RNF32: variants seen among roughly 807,000 people sequenced by gnomAD.
The protein encoded by RNF32 is ring finger protein 32.
Under a neutral mutation model 41.0 loss-of-function variants are expected in RNF32, and 36 were observed. That is an observed-to-expected ratio of 0.88 (90% CI 0.67 to 1.16). The LOEUF (loss-of-function observed/expected upper bound fraction) is 1.16. Ranked by LOEUF, RNF32 falls within the 50% of genes most tolerant of loss-of-function variation. The pLI is 0.00. For missense variants in RNF32, 413 were observed against 436.7 expected (o/e 0.95, Z 0.48); for synonymous variants, 154 against 160.9 (o/e 0.96, Z 0.32).
At chr7:156,654,843 C>T in intron 4 of RNF32, 125 bp downstream of exon 4, 1 of 824,716 alleles carries the variant, frequency 1.2e-6, no homozygotes, top group South Asian at 2.0e-5. Context: ...GAGCCTCACA[C>T]ACTTCCATTT....
intron 7 of RNF32, chr7:156,659,170 G>A (rs112788820): frequency 2.5e-6 from 3 of 1,201,886 alleles, no homozygotes; most frequent in Non-Finnish European, 3.1e-6. Flanking sequence ...TGTGGCTTCA[G>A]GCAAACAGCA....
At chr7:156,648,465 C>T (rs1305273277) in intron 3 of RNF32, among the ~76,000 whole-genome samples, 3 of 151,918 alleles carry the variant, frequency 2.0e-5, no homozygotes, top group Non-Finnish European at 4.4e-5. Context: ...ATGTAGATGA[C>T]CAAATAGTTT....
intron 3 of RNF32, chr7:156,646,657 C>T (rs148447952): frequency 4.7e-5 from 20 of 421,922 alleles, no homozygotes; most frequent in African/African-American, 1.9e-4. Flanking sequence ...TCAATGAGAA[C>T]GGAATCCTTC....
intron 8 of RNF32, 84 bp from the exon 9 acceptor site, chr7:156,676,335 C>A (rs768108230): frequency 6.2e-7 from 1 of 1,613,210 alleles, no homozygotes; most frequent in Non-Finnish European, 8.5e-7. Context: ...TGTCTCGGGG[C>A]ACATGGTTCG....
At chr7:156,671,539 T>C (rs1230845702) in intron 7 of RNF32, among the ~76,000 whole-genome samples, 1 of 152,210 alleles carries the variant, frequency 6.6e-6, no homozygotes, top group Non-Finnish European at 1.5e-5. Context: ...ACCATACGCT[T>C]GTCCATGATG....
At chr7:156,654,450 G>A (rs1233636861) in intron 3 of RNF32, 126 bp from the exon 4 acceptor site, 4 of 764,860 alleles carry the variant, frequency 5.2e-6, no homozygotes, top group African/African-American at 1.8e-5. Context: ...CTTCTATTGT[G>A]AAATAAAGTA....
chr7:156,656,807 C>T (rs1281786089), intron 4 of RNF32, among the ~76,000 whole-genome samples: 14 of 152,252 alleles, frequency 9.2e-5, no homozygotes, highest in Admixed American at 8.5e-4. Flanking sequence ...TGCTTTCCTC[C>T]CCGTTGCTGA....
chr7:156,648,160 A>T (rs1563070740), intron 3 of RNF32, among the ~76,000 whole-genome samples: 1 of 152,158 alleles, frequency 6.6e-6, no homozygotes, highest in Non-Finnish European at 1.5e-5. Context: ...AAAAGTTAGA[A>T]ATATGATTTT....
chr7:156,655,197 T>C (rs982434931), intron 4 of RNF32, among the ~76,000 whole-genome samples: 4 of 151,454 alleles, frequency 2.6e-5, no homozygotes, highest in African/African-American at 9.7e-5. Context: ...ATAGTAAGAC[T>C]GATGATACTA....
intron 3 of RNF32, among the ~76,000 whole-genome samples, chr7:156,652,855 A>G (rs984476637): frequency 6.6e-6 from 1 of 152,224 alleles, no homozygotes; most frequent in African/African-American, 2.4e-5. Context: ...CAGGAGACAC[A>G]GCCTGCAGTG....
intron 7 of RNF32, among the ~76,000 whole-genome samples, chr7:156,671,249 A>C (rs1211921708): frequency 1.3e-5 from 2 of 152,224 alleles, no homozygotes; most frequent in African/African-American, 4.8e-5. Context: ...GTCAGTAACA[A>C]CACAAAGCGG....
intron 7 of RNF32, among the ~76,000 whole-genome samples, chr7:156,674,034 C>G (rs183111258): frequency 6.6e-6 from 1 of 152,170 alleles, no homozygotes; most frequent in African/African-American, 2.4e-5. Flanking sequence ...GAGATCTCCA[C>G]GGGACTTGTT....
intron 7 of RNF32, among the ~76,000 whole-genome samples, chr7:156,666,171 ATATG>A (rs1423843769): frequency 2.6e-5 from 4 of 152,192 alleles, no homozygotes; most frequent in African/African-American, 9.6e-5. Context: ...TGTTTCCCTC[ATATG>A]TTTTAGGATC....
chr7:156,661,074 G>A (rs532027994), intron 7 of RNF32, among the ~76,000 whole-genome samples: 236 of 152,306 alleles, frequency 1.5e-3, no homozygotes, highest in African/African-American at 5.2e-3. Flanking sequence ...GATGGCCTGC[G>A]GCATGACTGT....
rs772369478 is a variant in RNF32 at position 156,658,258 on chromosome 7, G to A, written c.575+6G>A. ...AGAATCAAGTGTGTGACCAGGTGAG[G>A]ACGCCAGGCCCGTTTGGCGCTAAGC... is the stretch of plus-strand genomic sequence containing the variant. On this transcript the variant is annotated splice_donor_region_variant and intron_variant, in intron 6 of 8. Coordinates refer to ENST00000317955, the MANE Select transcript of RNF32 (RefSeq NM_030936.4). 1.4e-5 allele frequency: 22 copies of A among 1,613,512 alleles called. No individual in the cohort carries two copies. The Admixed American group carries it at 2.8e-4, about 21-fold the overall frequency.
rs1417870629 is a variant in RNF32, at chr7:156,640,817, G to C, written c.-78+6G>C. 1 of 224,074 alleles carries C rather than the reference G, an allele frequency of 4.5e-6. No homozygotes were observed. Among genetic ancestry groups the C allele is most frequent in the Non-Finnish European group, 9.0e-6 (1 of 111,066 alleles). The allele number at this position is 224,074 out of a possible 1,614,324, so 13.9% of individuals were successfully genotyped here. A position where few individuals can be genotyped will look rare whatever the true frequency, so the allele number is the denominator to read the frequency against. On this transcript the variant is annotated splice_donor_region_variant and intron_variant, in intron 1 of 8. Coordinates refer to ENST00000317955, the MANE Select transcript of RNF32 (RefSeq NM_030936.4). ...GTGTTCGCGGAGGAGTCGAGGCACG[G>C]AGAGGCTTCGGGGGAGGGACGGAAA... is the stretch of plus-strand genomic sequence containing the variant.
At chr7:156,659,826 C>T (rs1336201473) in intron 7 of RNF32, 2 of 817,486 alleles carry the variant, frequency 2.4e-6, no homozygotes, top group Non-Finnish European at 3.0e-6. Context: ...GTTCAGTGCT[C>T]AGGTGTTCAA....
At chr7:156,658,926 T>A in intron 7 of RNF32, 1 of 1,540,972 alleles carries the variant, frequency 6.5e-7, no homozygotes, top group Non-Finnish European at 8.7e-7. Flanking sequence ...TGAAGACATC[T>A]GCTGCACATC....
At chr7:156,655,262 C>G (rs13239577) in intron 4 of RNF32, among the ~76,000 whole-genome samples, 73,591 of 145,826 alleles carry the variant, frequency 0.5, 20,459 homozygotes, top group African/African-American at 0.75. Context: ...CACACACACA[C>G]AGAGAGAGAG....
Sources: allele counts gnomAD v4.1 joint callset (sites outside exome capture counted in the v4.1 genomes callset), GRCh38; gene constraint gnomAD v4.1.1; transcripts MANE v1.5; gene names NCBI Gene and HGNC (gene_info 2026-07-23, HGNC 2026-07-21).